Variants in MORC2 observed in about 807,000 individuals in gnomAD.
MORC2 encodes the protein MORC family CW-type zinc finger 2.
In MORC2, 30 loss-of-function variants were observed where a neutral mutation model predicts 136.0. The observed-to-expected ratio is 0.22, with a 90% CI of 0.17 to 0.30. The LOEUF (loss-of-function observed/expected upper bound fraction) is 0.30, where lower values mean the gene tolerates loss of function less well. MORC2 is among the 10% of genes least tolerant of loss of function. The pLI is 1.00. For synonymous variants in MORC2, 439 were observed against 487.0 expected (o/e 0.90, Z 1.30); for missense variants, 922 against 1,333.1 (o/e 0.69, Z 4.80).
At chr22:30,959,857 T>C (rs1031440288) in intron 1 of MORC2, among the ~76,000 whole-genome samples, 7 of 152,240 alleles carry the variant, frequency 4.6e-5, no homozygotes, top group Admixed American at 6.5e-5. Context: ...GCTTACCATA[T>C]TGCAAACAAA....
In MORC2 at chr22:30,950,127, C is replaced by A. The variant is rs571713805; in HGVS notation, c.226+250G>T. ...ATGTTGTGCAAGCTGATAAATACAA[C>A]GCCAAGAGACAGGTAATCTGATTGA... On this transcript the variant is annotated intron_variant, in intron 4 of 25. Coordinates refer to ENST00000397641, the MANE Select transcript of MORC2 (RefSeq NM_001303256.3). Among the ~76,000 whole-genome samples, 6 of 152,270 alleles carry A rather than the reference C, an allele frequency of 3.9e-5. No homozygotes were observed. In the South Asian group the frequency reaches 1.2e-3, roughly 32 times the overall value.
At chr22:30,947,277 T>G (rs2040830730) in intron 5 of MORC2, among the ~76,000 whole-genome samples, 1 of 152,214 alleles carries the variant, frequency 6.6e-6, no homozygotes, top group African/African-American at 2.4e-5. Flanking sequence ...TTCAACTGCT[T>G]CCTTCCTCTG....
intron 1 of MORC2, among the ~76,000 whole-genome samples, chr22:30,965,261 G>C (rs147476666): frequency 6.6e-6 from 1 of 152,310 alleles, no homozygotes; most frequent in East Asian, 1.9e-4. Flanking sequence ...AAATGGTCTC[G>C]TGTTCCTAAG....
intron 1 of MORC2, chr22:30,958,971 G>C (rs1467389732): frequency 3.4e-6 from 1 of 292,118 alleles, no homozygotes; most frequent in Non-Finnish European, 6.4e-6. Flanking sequence ...TGTAGTAACT[G>C]CTAAAAGTGT....
rs2041154519 is a variant in MORC2 at position 30,967,956 on chromosome 22, T to G, written c.-67A>C. 4 of 1,330,226 alleles carry G rather than the reference T, an allele frequency of 3.0e-6. No homozygotes were observed. Among genetic ancestry groups the G allele is most frequent in the Non-Finnish European group, 4.2e-6 (4 of 946,844 alleles). 82.4% of individuals were successfully genotyped at this position (1,330,226 alleles called of 1,614,324 possible). On this transcript the variant is annotated 5_prime_UTR_variant, in exon 1 of 26. Coordinates refer to ENST00000397641, the MANE Select transcript of MORC2 (RefSeq NM_001303256.3). ...AATATAACCTTATAATGATATCGAT[T>G]TCCCAGGATTCTGTCCAGTAAAGCT...
Position 30,928,220 on chromosome 22 carries a change from G to C in MORC2, c.2842-13C>G. On this transcript the variant is annotated splice_polypyrimidine_tract_variant and intron_variant, in intron 24 of 25. Coordinates refer to ENST00000397641, the MANE Select transcript of MORC2 (RefSeq NM_001303256.3). ...TGAAGTACTCCTTCTGTTGGGAGCA[G>C]AGCAAGAGGGAGAGTGTGTAAGTTC... The C allele has an allele frequency of 1.2e-6, 2 of 1,613,968 alleles. No homozygotes were observed. The highest frequency in any genetic ancestry group is 1.7e-6 in the Non-Finnish European group (2 of 1,179,946).
rs1212038882 is a variant in MORC2 at position 30,934,337 on chromosome 22, A to C, written c.2194-146T>G. 2 of 1,200,660 alleles carry C rather than the reference A, an allele frequency of 1.7e-6. No individual in the cohort carries two copies. The highest frequency in any genetic ancestry group is 2.3e-6 in the Non-Finnish European group (2 of 870,782). 74.4% of individuals were successfully genotyped at this position (1,200,660 alleles called of 1,614,324 possible). A position where few individuals can be genotyped will look rare whatever the true frequency, so the allele number is the denominator to read the frequency against. On this transcript the variant is annotated intron_variant, in intron 19 of 25. Transcript: ENST00000397641. This position sits in a 1 kb window ranked among gnomAD's most constrained non-coding sequence, Gnocchi z 4.4. ...GACATTACTTGGAATGTACACAGGC[A>C]ACCCACTGGCCCCTGCGCCATAAGG...
At chr22:30,951,717 T>C (rs2040889225) in intron 3 of MORC2, among the ~76,000 whole-genome samples, 1 of 152,232 alleles carries the variant, frequency 6.6e-6, no homozygotes. Flanking sequence ...AAATCTGTTT[T>C]AAATGCTCTT....
Position 30,937,557 on chromosome 22 carries a change from CG to C in MORC2, c.1498+25del, listed in dbSNP as rs760828284. The C allele has an allele frequency of 1.4e-5, 22 of 1,608,156 alleles. No homozygotes were observed. Among genetic ancestry groups the C allele is most frequent in the East Asian group, 2.2e-5 (1 of 44,846 alleles). Reference sequence around the variant, plus strand: ...GGCTTGTGGGCTGATGGAAATGAGTCGGGGGGGTCCAACCACCCAACTCACC... The same window carrying C: ...GGCTTGTGGGCTGATGGAAATGAGTCGGGGGGTCCAACCACCCAACTCACC... On this transcript the variant is annotated intron_variant, in intron 15 of 25. Coordinates refer to ENST00000397641, the MANE Select transcript of MORC2 (RefSeq NM_001303256.3). This position sits in a 1 kb window ranked among gnomAD's most constrained non-coding sequence, Gnocchi z 4.7.
chr22:30,944,837 A>G (rs926439804), intron 6 of MORC2, among the ~76,000 whole-genome samples: 8 of 152,206 alleles, frequency 5.3e-5, no homozygotes, highest in Non-Finnish European at 8.8e-5. Context: ...CCCTTGGGCG[A>G]GTACCGCCAA....
Position 30,937,125 on chromosome 22 carries a change from G to A in MORC2, c.1499-88C>T, listed in dbSNP as rs2040666297. 1.1e-6 allele frequency: 1 copy of A among 892,420 alleles called. No homozygotes were observed. The highest frequency in any genetic ancestry group is 2.0e-5 in the Admixed American group (1 of 50,380). The allele number at this position is 892,420 out of a possible 1,614,324, so 55.3% of individuals were successfully genotyped here. A position where few individuals can be genotyped will look rare whatever the true frequency, so the allele number is the denominator to read the frequency against. On this transcript the variant is annotated intron_variant, in intron 15 of 25. Coordinates refer to ENST00000397641, the MANE Select transcript of MORC2 (RefSeq NM_001303256.3). This position sits in a 1 kb window ranked among gnomAD's most constrained non-coding sequence, Gnocchi z 4.7. ...TTCCTCACAGGCCCACCACAATGATGCCCCAGACTTTGTAGGCAAAGATCT... is the reference window on the plus strand; with the variant it reads ...TTCCTCACAGGCCCACCACAATGATACCCCAGACTTTGTAGGCAAAGATCT...
Position 30,967,989 on chromosome 22 carries a change from G to A in MORC2, c.-100C>T. ...ATTCTGTCCAGTAAAGCTTCAGTAAGTCTGTGCTCCTTAATGACAGTTAAA... is the reference window on the plus strand; with the variant it reads ...ATTCTGTCCAGTAAAGCTTCAGTAAATCTGTGCTCCTTAATGACAGTTAAA... On this transcript the variant is annotated 5_prime_UTR_variant, in exon 1 of 26. Transcript: ENST00000397641. The A allele has an allele frequency of 1.9e-6, 2 of 1,055,268 alleles. No individual in the cohort carries two copies. Among genetic ancestry groups the A allele is most frequent in the Non-Finnish European group, 2.9e-6 (2 of 700,952 alleles). 65.4% of individuals were successfully genotyped at this position (1,055,268 alleles called of 1,614,324 possible).
At position 30,967,862 on chromosome 22, in the gene MORC2, T is replaced by C; in HGVS notation, c.28A>G (p.Asn10Asp). ...TATTCAAAGGTTAGCTGAGCTCGAT[T>C]CAGACTGCTGTAATTTGTGAAAGCC... MAFTNYSSL[N>D]RAQLTFEYLH... The change falls in exon 1 of 26, where the codon AAT (asparagine) becomes GAT (aspartate). Residue 10 changes from asparagine to aspartate, a missense_variant. By Grantham distance (23) the Asn-to-Asp change is conservative. Around this residue, in one of 9 missense-constraint regions of MORC2, gnomAD observed 17 missense variants for 16.8 expected, o/e 1.01. Transcript: ENST00000397641. 11 of 1,551,214 alleles carry C rather than the reference T, an allele frequency of 7.1e-6. No homozygotes were observed. Among genetic ancestry groups the C allele is most frequent in the Non-Finnish European group, 9.6e-6 (11 of 1,147,082 alleles).
rs765643613 is a variant in MORC2 at position 30,932,818 on chromosome 22, T to A, written c.2523-49A>T. On this transcript the variant is annotated intron_variant, in intron 22 of 25. Coordinates refer to ENST00000397641, the MANE Select transcript of MORC2 (RefSeq NM_001303256.3). The surrounding 1 kb of genome is among the most constrained non-coding windows in gnomAD (Gnocchi z 4.4). ...TCATGTCTGACCCGGGCTCCCAGGA[T>A]GGGCTGCTGGCAGGGAGGCCGGGGA... is the stretch of plus-strand genomic sequence containing the variant. 1.2e-6 allele frequency: 2 copies of A among 1,613,148 alleles called. No homozygotes were observed. The highest frequency in any genetic ancestry group is 3.3e-5 in the Admixed American group (2 of 59,988).
intron 6 of MORC2, 131 bp from the exon 7 acceptor site, chr22:30,942,402 C>T: frequency 9.8e-7 from 1 of 1,021,004 alleles, no homozygotes; most frequent in Non-Finnish European, 1.4e-6. Flanking sequence ...GCTCCACAGC[C>T]TGGCACCAGA....
rs1027196396 is a variant in MORC2, at chr22:30,934,598, C to T, written c.2193+183G>A. ...GTGAAGAGCTCGCTGTACAGGCAAC[C>T]GATGTGCTGTCTGGCCCCAACAAGT... On this transcript the variant is annotated intron_variant, in intron 19 of 25. Coordinates refer to ENST00000397641, the MANE Select transcript of MORC2 (RefSeq NM_001303256.3). The surrounding 1 kb of genome is among the most constrained non-coding windows in gnomAD (Gnocchi z 4.4). Among the ~76,000 whole-genome samples, 10 of 152,302 alleles carry T rather than the reference C, an allele frequency of 6.6e-5. No individual in the cohort carries two copies. The East Asian group carries it at 1.2e-3, about 18-fold the overall frequency.
At position 30,967,544 on chromosome 22, in the gene MORC2, T is replaced by C. The variant is rs558901495; in HGVS notation, c.68+278A>G. 17 of 1,246,842 alleles carry C rather than the reference T, an allele frequency of 1.4e-5. No individual in the cohort carries two copies. In the African/African-American group the frequency reaches 2.3e-4, roughly 17 times the overall value. 77.2% of individuals were successfully genotyped at this position (1,246,842 alleles called of 1,614,324 possible). On this transcript the variant is annotated intron_variant, in intron 1 of 25. Coordinates refer to ENST00000397641, the MANE Select transcript of MORC2 (RefSeq NM_001303256.3). Reference sequence around the variant, plus strand: ...GTATTTGTTGGATTCCTATAAACACTTGAATGAAACAACTCAACATATTGA... The same window carrying C: ...GTATTTGTTGGATTCCTATAAACACCTGAATGAAACAACTCAACATATTGA...
chr22:30,926,729 G>C lies in MORC2; in HGVS notation c.*74C>G. On this transcript the variant is annotated 3_prime_UTR_variant, in exon 26 of 26. Coordinates refer to ENST00000397641, the MANE Select transcript of MORC2 (RefSeq NM_001303256.3). ...AACCAAGGTGCGACCACCAACCCAT[G>C]AATGAAGTCCCCTCCCCCTGCAGCT... 1.5e-6 allele frequency: 2 copies of C among 1,304,482 alleles called. No individual in the cohort carries two copies. The highest frequency in any genetic ancestry group is 2.2e-6 in the Non-Finnish European group (2 of 919,352). The allele number at this position is 1,304,482 out of a possible 1,614,324, so 80.8% of individuals were successfully genotyped here. A position where few individuals can be genotyped will look rare whatever the true frequency, so the allele number is the denominator to read the frequency against.
intron 17 of MORC2, 115 bp downstream of exon 17, chr22:30,936,396 C>T (rs1006702560): frequency 2.1e-5 from 30 of 1,430,682 alleles, no homozygotes; most frequent in Middle Eastern, 4.4e-4. Flanking sequence ...GCAAACAACG[C>T]GGGTGAGTGG....
Sources: gnomAD v4.1 joint callset for allele counts (sites outside exome capture counted in the v4.1 genomes callset) on GRCh38, gnomAD v4.1.1 for gene constraint, gnomAD v4.1.1 regional missense constraint, Gnocchi (gnomAD v3.1) non-coding constraint, MANE v1.5 for transcripts, NCBI Gene and HGNC (gene_info 2026-07-23, HGNC 2026-07-21) for gene names.